The following TNNI1 variants were observed in gnomAD, a reference collection of about 807,000 sequenced individuals.
TNNI1 encodes the protein troponin I1, slow skeletal type.
In TNNI1, 14 loss-of-function variants were observed where a neutral mutation model predicts 26.7. The ratio of observed to expected loss-of-function variants is 0.52; its 90% CI spans 0.35 to 0.82. The LOEUF is 0.82. Ranked by LOEUF, TNNI1 falls within the 40% of genes least tolerant of loss-of-function variation. The pLI, the probability that TNNI1 is intolerant of heterozygous loss-of-function variation, is 0.01. For synonymous variants in TNNI1, 79 were observed against 98.2 expected, an observed-to-expected ratio of 0.80 and a Z score of 1.16; for missense variants, 164 against 257.0, an observed-to-expected ratio of 0.64 and a Z score of 2.47.
In TNNI1 at chr1:201,409,064, A is replaced by T. The variant is rs1558279928; in HGVS notation, c.*189T>A. The T allele has an allele frequency of 6.6e-6, 1 of 152,186 alleles. No individual in the cohort carries two copies. Among genetic ancestry groups the T allele is most frequent in the Non-Finnish European group, 1.5e-5 (1 of 68,054 alleles). The allele number at this position is 152,186 out of a possible 1,614,324, so 9.4% of individuals were successfully genotyped here. On this transcript the variant is annotated 3_prime_UTR_variant, in exon 9 of 9. Transcript: ENST00000361379. ...CACCCTGCCAGGGTGAGGTCTTCAGACACTCGCGTTTTTCCTGCCTCTTGG... is the reference window on the plus strand; with the variant it reads ...CACCCTGCCAGGGTGAGGTCTTCAGTCACTCGCGTTTTTCCTGCCTCTTGG...
chr1:201,410,554 C>T, intron 7 of TNNI1, 119 bp from the exon 8 acceptor site: 1 of 842,404 alleles, frequency 1.2e-6, no homozygotes, highest in African/African-American at 1.7e-5. Context: ...GATGCCCCTC[C>T]CCAGCTGGTA....
At chr1:201,420,907 G>T (rs988589211) in intron 1 of TNNI1, among the ~76,000 whole-genome samples, 3 of 152,148 alleles carry the variant, frequency 2.0e-5, no homozygotes, top group African/African-American at 7.2e-5. Flanking sequence ...ACGGCCCCCT[G>T]CCCCAAGCCT....
intron 1 of TNNI1, among the ~76,000 whole-genome samples, chr1:201,419,673 A>G (rs181726867): frequency 6.6e-6 from 1 of 152,302 alleles, no homozygotes; most frequent in African/African-American, 2.4e-5. Context: ...ATGAAGCACT[A>G]TCCCAACCCC....
At position 201,405,733 on chromosome 1, in the gene TNNI1, G is replaced by A. The variant is rs548149476; in HGVS notation, c.*3520C>T. ...GGCCTCCTTGCGCCGTGGGGACCGG[G>A]CACCCTGTGGGGAAAGGTGGGAGCA... On this transcript the variant is annotated 3_prime_UTR_variant, in exon 9 of 9. Coordinates refer to ENST00000361379, the MANE Select transcript of TNNI1 (RefSeq NM_003281.4). 235 of 153,056 alleles carry A rather than the reference G, an allele frequency of 1.5e-3. 5 individuals carry two copies. The highest frequency in any genetic ancestry group is 6.2e-4 in the South Asian group (3 of 4,838). The allele number at this position is 153,056 out of a possible 1,614,324, so 9.5% of individuals were successfully genotyped here.
intron 3 of TNNI1, 113 bp from the exon 4 acceptor site, chr1:201,415,367 T>C (rs1346049625): frequency 2.7e-6 from 3 of 1,128,134 alleles, no homozygotes; most frequent in Non-Finnish European, 2.6e-6. Flanking sequence ...TCCGGAATCC[T>C]CTGCTCACCC....
intron 3 of TNNI1, 72 bp downstream of exon 3, chr1:201,417,044 G>A: frequency 6.3e-7 from 1 of 1,594,908 alleles, no homozygotes. Flanking sequence ...CTCCTCAGAT[G>A]CCAACCCCAC....
intron 3 of TNNI1, among the ~76,000 whole-genome samples, chr1:201,416,129 G>A (rs922244402): frequency 3.3e-5 from 5 of 152,192 alleles, no homozygotes; most frequent in Admixed American, 2.6e-4. Context: ...TCTCATGAGA[G>A]ACAATGGATG....
Position 201,412,814 on chromosome 1 carries a change from C to T in TNNI1, c.279+218G>A, listed in dbSNP as rs575604041. Among the ~76,000 whole-genome samples the T allele has an allele frequency of 8.5e-5, 13 of 152,366 alleles. 1 individual carries two copies. In the South Asian group the frequency reaches 2.7e-3, roughly 32 times the overall value. On this transcript the variant is annotated intron_variant, in intron 6 of 8. Coordinates refer to ENST00000361379, the MANE Select transcript of TNNI1 (RefSeq NM_003281.4). ...AGCTTCTGTTAGGCTGATGAGCCCA[C>T]ATGGCAGGTAGGGAGGAAGTTTGTA...
chr1:201,415,316 T>C, intron 3 of TNNI1, 62 bp from the exon 4 acceptor site: 1 of 1,567,152 alleles, frequency 6.4e-7, no homozygotes, highest in South Asian at 1.1e-5. Context: ...GGAATTCTGG[T>C]CTAGGACAAG....
chr1:201,417,200 C>A (rs551772143), intron 2 of TNNI1, 81 bp from the exon 3 acceptor site: 4 of 1,590,280 alleles, frequency 2.5e-6, no homozygotes, highest in African/African-American at 1.3e-5. Flanking sequence ...CATGTGCAGT[C>A]GCAGAACCTC....
At position 201,411,943 on chromosome 1, in the gene TNNI1, G is replaced by A. The variant is rs1037748279; in HGVS notation, c.280-410C>T. On this transcript the variant is annotated intron_variant, in intron 6 of 8. Coordinates refer to ENST00000361379, the MANE Select transcript of TNNI1 (RefSeq NM_003281.4). This position sits in a 1 kb window ranked among gnomAD's most constrained non-coding sequence, Gnocchi z 4.6. ...CCCACTGCTCACCTGCTGCAGTGTGGCCCAGTTCCTAACAGGCCACGGACA... is the reference window on the plus strand; with the variant it reads ...CCCACTGCTCACCTGCTGCAGTGTGACCCAGTTCCTAACAGGCCACGGACA... Among the ~76,000 whole-genome samples, 1 of 152,192 alleles carries A rather than the reference G, an allele frequency of 6.6e-6. No homozygotes were observed. Among genetic ancestry groups the A allele is most frequent in the African/African-American group, 2.4e-5 (1 of 41,444 alleles).
intron 1 of TNNI1, among the ~76,000 whole-genome samples, chr1:201,418,943 A>C (rs1662803622): frequency 6.6e-6 from 1 of 152,194 alleles, no homozygotes; most frequent in African/African-American, 2.4e-5. Flanking sequence ...CAATCAGTAA[A>C]AGCAAAATGG....
Position 201,414,618 on chromosome 1 carries a change from C to T in TNNI1, c.89G>A (p.Trp30Ter). Residue 30 changes from tryptophan (W) to a stop codon, truncating the protein, a stop_gained, in exon 5 of 9, where the codon TGG becomes TAG. Coordinates refer to ENST00000361379, the MANE Select transcript of TNNI1 (RefSeq NM_003281.4). LOFTEE classifies it high-confidence loss of function. ...CTCGCGCTCCTCGTGCTCCTGCTCC[C>T]AGCATTCCTTGGCCTTGGCCAGCAT... ...SLMLAKAKECWEQEHEEREAE... is the reference protein window; with the variant it reads ...SLMLAKAKEC The T allele has an allele frequency of 6.2e-7, 1 of 1,614,040 alleles. No individual in the cohort carries two copies. Among genetic ancestry groups the T allele is most frequent in the Non-Finnish European group, 8.5e-7 (1 of 1,180,026 alleles).
chr1:201,410,601 C>T (rs1662617239), intron 7 of TNNI1, among the ~76,000 whole-genome samples, 166 bp from the exon 8 acceptor site: 1 of 152,322 alleles, frequency 6.6e-6, no homozygotes, highest in East Asian at 1.9e-4. Flanking sequence ...GGACACAGGC[C>T]AAGCCGAGGC....
intron 6 of TNNI1, 68 bp downstream of exon 6, chr1:201,412,964 T>C: frequency 6.7e-7 from 1 of 1,503,634 alleles, no homozygotes; most frequent in Non-Finnish European, 9.2e-7. Context: ...CTCCCATGGC[T>C]GCTGCATCCG....
Position 201,409,233 on chromosome 1 carries a change from G to T in TNNI1, c.*20C>A, listed in dbSNP as rs900829621. ...GAAGCATGAAGCAGGAGCTCAGAGCGCAGCACAGCAAGCTGGCCTGTAGGG... is the reference window on the plus strand; with the variant it reads ...GAAGCATGAAGCAGGAGCTCAGAGCTCAGCACAGCAAGCTGGCCTGTAGGG... On this transcript the variant is annotated 3_prime_UTR_variant, in exon 9 of 9. Transcript: ENST00000361379. 6.6e-6 allele frequency: 1 copy of T among 152,266 alleles called. No homozygotes were observed. The highest frequency in any genetic ancestry group is 1.5e-5 in the Non-Finnish European group (1 of 68,112). The allele number at this position is 152,266 out of a possible 1,614,324, so 9.4% of individuals were successfully genotyped here. A position where few individuals can be genotyped will look rare whatever the true frequency, so the allele number is the denominator to read the frequency against.
chr1:201,420,831 G>A (rs1265859702), intron 1 of TNNI1, among the ~76,000 whole-genome samples: 1 of 152,158 alleles, frequency 6.6e-6, no homozygotes, highest in African/African-American at 2.4e-5. Flanking sequence ...GCTGCTGTGG[G>A]ACTGTGACTC....
chr1:201,416,527 G>C (rs932478816), intron 3 of TNNI1, among the ~76,000 whole-genome samples: 9 of 152,086 alleles, frequency 5.9e-5, no homozygotes, highest in Admixed American at 1.3e-4. Context: ...TTCCATCCCT[G>C]GGCCCACATC....
rs939010632 is a variant in TNNI1 at position 201,404,337 on chromosome 1, ATG to A, written c.*4914_*4915del. On this transcript the variant is annotated 3_prime_UTR_variant, in exon 9 of 9. Transcript: ENST00000361379. ...TGATATTTCAGTTCTGTTCCCATTC[ATG>A]TGTCTCAGCTGAGCAACTGCCATGC... 2 of 152,094 alleles carry A rather than the reference ATG, an allele frequency of 1.3e-5. No homozygotes were observed. Among genetic ancestry groups the A allele is most frequent in the African/African-American group, 4.8e-5 (2 of 41,388 alleles). The allele number at this position is 152,094 out of a possible 1,614,324, so 9.4% of individuals were successfully genotyped here. A position where few individuals can be genotyped will look rare whatever the true frequency, so the allele number is the denominator to read the frequency against.
Sources: allele counts gnomAD v4.1 joint callset (sites outside exome capture counted in the v4.1 genomes callset), GRCh38; gene constraint gnomAD v4.1.1; non-coding constraint Gnocchi (gnomAD v3.1); transcripts MANE v1.5; gene names NCBI Gene and HGNC (gene_info 2026-07-23, HGNC 2026-07-21).